CPSF3: variants seen among roughly 807,000 people sequenced by gnomAD.
CPSF3 encodes the protein cleavage and polyadenylation specificity factor subunit 3.
In CPSF3, 57 loss-of-function variants were observed where a neutral mutation model predicts 84.1. The ratio of observed to expected loss-of-function variants is 0.68; its 90% CI spans 0.55 to 0.85. The LOEUF (loss-of-function observed/expected upper bound fraction) is 0.85. Among genes scored for constraint, CPSF3 ranks in the 40% least tolerant of loss-of-function variants. CPSF3 has a pLI of 0.00. For missense variants in CPSF3, 522 were observed against 838.8 expected (o/e 0.62, Z 4.66); for synonymous variants, 275 against 278.1 (o/e 0.99, Z 0.11).
chr2:9,432,871 ACTTT>A (rs533184931), intron 5 of CPSF3, among the ~76,000 whole-genome samples, 183 bp downstream of exon 5: 94 of 152,298 alleles, frequency 6.2e-4, no homozygotes, highest in African/African-American at 1.9e-3. Flanking sequence ...CCATTACAAT[ACTTT>A]CTTTATCAAG....
chr2:9,440,408 C>CT, intron 7 of CPSF3, 83 bp from the exon 8 acceptor site: 1 of 1,090,868 alleles, frequency 9.2e-7, no homozygotes. Context: ...TGTATCATTT[C>CT]TTGTTCTGTG....
intron 2 of CPSF3, among the ~76,000 whole-genome samples, chr2:9,429,157 C>T (rs1680491195): frequency 6.6e-6 from 1 of 152,242 alleles, no homozygotes; most frequent in African/African-American, 2.4e-5. Flanking sequence ...GCACTCTGAA[C>T]ACACTGAGAG....
intron 5 of CPSF3, among the ~76,000 whole-genome samples, chr2:9,433,285 CT>C (rs1203753237): frequency 6.6e-6 from 1 of 152,160 alleles, no homozygotes; most frequent in East Asian, 1.9e-4. Flanking sequence ...GCAGCTTGGC[CT>C]TTTCCTTTTC....
Position 9,467,172 on chromosome 2 carries a change from C to G in CPSF3, c.1787-535C>G, listed in dbSNP as rs543839851. On this transcript the variant is annotated intron_variant, in intron 15 of 17. Transcript: ENST00000238112. ...GCCTGAAACTCCAGATTAAGGGGGG[C>G]CCATTTTCCCAAGCTGTCAGATTTG... is the stretch of plus-strand genomic sequence containing the variant. Among the ~76,000 whole-genome samples, 3 of 152,100 alleles carry G rather than the reference C, an allele frequency of 2.0e-5. No individual in the cohort carries two copies. The South Asian group carries it at 6.2e-4, about 32-fold the overall frequency.
intron 16 of CPSF3, among the ~76,000 whole-genome samples, chr2:9,468,968 C>T (rs972049567): frequency 6.6e-6 from 1 of 152,142 alleles, no homozygotes; most frequent in Non-Finnish European, 1.5e-5. Flanking sequence ...AAATGATAGA[C>T]TTTAAATGAT....
intron 7 of CPSF3, among the ~76,000 whole-genome samples, 154 bp from the exon 8 acceptor site, chr2:9,440,337 C>G (rs17589193): frequency 0.3 from 46,024 of 152,010 alleles, 7,823 homozygotes; most frequent in Middle Eastern, 0.39. Flanking sequence ...TAGTTACAAC[C>G]AGGATAATTT....
rs1165992035 is a variant in CPSF3, at chr2:9,471,427, C to G, written c.1941C>G (p.Asn647Lys). ...VTVDGKTANL[N>K]LETRTVECEE... ...TGGACGGGAAAACTGCCAACCTTAACTTGGAGACACGGGTATGTAGCTGCT... is the reference window on the plus strand; with the variant it reads ...TGGACGGGAAAACTGCCAACCTTAAGTTGGAGACACGGGTATGTAGCTGCT... Residue 647 changes from asparagine to lysine, a missense_variant, in exon 17 of 18, where the codon AAC (asparagine) becomes AAG (lysine). Around this residue, in one of 2 missense-constraint regions of CPSF3, gnomAD observed 193 missense variants for 231.6 expected, o/e 0.83. Coordinates refer to ENST00000238112, the MANE Select transcript of CPSF3 (RefSeq NM_016207.4). 6.3e-7 allele frequency: 1 copy of G among 1,599,632 alleles called. No homozygotes were observed. Among genetic ancestry groups the G allele is most frequent in the Non-Finnish European group, 8.6e-7 (1 of 1,166,884 alleles).
chr2:9,471,679 T>C (rs1476937378), intron 17 of CPSF3, among the ~76,000 whole-genome samples: 1 of 152,036 alleles, frequency 6.6e-6, no homozygotes. Context: ...TCCTCTTCCA[T>C]AATACAGCTT....
intron 2 of CPSF3, among the ~76,000 whole-genome samples, 198 bp from the exon 3 acceptor site, chr2:9,429,725 G>A (rs1680511055): frequency 6.6e-6 from 1 of 152,160 alleles, no homozygotes; most frequent in African/African-American, 2.4e-5. Flanking sequence ...CTAAATGTGA[G>A]CTATATTTTA....
In CPSF3 at chr2:9,441,567, C is replaced by CCT. The variant is rs757880629; in HGVS notation, c.937-248_937-247dup. Among the ~76,000 whole-genome samples, 13 of 152,276 alleles carry CCT rather than the reference C, an allele frequency of 8.5e-5. No individual in the cohort carries two copies. In the East Asian group the frequency reaches 2.5e-3, roughly 29 times the overall value. Reference sequence around the variant, plus strand: ...AGATGGTCCTGATGGTTCTGATGGCCCTCTAGCTACCAACAGAAGGTTTTG... The same window carrying CCT: ...AGATGGTCCTGATGGTTCTGATGGCCCTCTCTAGCTACCAACAGAAGGTTTTG... On this transcript the variant is annotated intron_variant, in intron 8 of 17. Coordinates refer to ENST00000238112, the MANE Select transcript of CPSF3 (RefSeq NM_016207.4).
Position 9,440,707 on chromosome 2 carries a change from A to G in CPSF3, c.936+41A>G, listed in dbSNP as rs369306970. 5.7e-5 allele frequency: 92 copies of G among 1,601,900 alleles called. No individual in the cohort carries two copies. The African/African-American group carries it at 1.1e-3, about 20-fold the overall frequency. On this transcript the variant is annotated intron_variant, in intron 8 of 17. Coordinates refer to ENST00000238112, the MANE Select transcript of CPSF3 (RefSeq NM_016207.4). ...AGAAAGACAAGGATGGATAAAACCA[A>G]ATCAGTCATTAGTAGTAGGAGGTAC... is the stretch of plus-strand genomic sequence containing the variant.
chr2:9,426,950 G>A (rs981152429), intron 1 of CPSF3, among the ~76,000 whole-genome samples: 1 of 151,926 alleles, frequency 6.6e-6, no homozygotes, highest in African/African-American at 2.4e-5. Context: ...AAAAGCCAGA[G>A]TATAGCGAAT....
chr2:9,427,611 C>T (rs1174689388), intron 1 of CPSF3, among the ~76,000 whole-genome samples: 2 of 152,158 alleles, frequency 1.3e-5, no homozygotes, highest in Non-Finnish European at 2.9e-5. Context: ...TCTGTATCAA[C>T]ACCTGTTTGG....
intron 6 of CPSF3, among the ~76,000 whole-genome samples, chr2:9,435,796 G>C (rs1182312012): frequency 6.6e-6 from 1 of 151,784 alleles, no homozygotes; most frequent in Non-Finnish European, 1.5e-5. Context: ...GCAATGGTGC[G>C]ATCTCGGCTC....
intron 2 of CPSF3, among the ~76,000 whole-genome samples, 162 bp downstream of exon 2, chr2:9,428,990 A>G (rs1004146615): frequency 6.6e-6 from 1 of 152,226 alleles, no homozygotes; most frequent in Non-Finnish European, 1.5e-5. Context: ...ACACACTTCT[A>G]CTTAGTAATT....
intron 4 of CPSF3, among the ~76,000 whole-genome samples, chr2:9,431,922 G>T (rs903447055): frequency 8.5e-5 from 13 of 152,154 alleles, no homozygotes; most frequent in African/African-American, 3.1e-4. Context: ...TTTTATAGAT[G>T]ATGAAACTGA....
At chr2:9,449,157 T>A (rs971868234) in intron 11 of CPSF3, among the ~76,000 whole-genome samples, 1 of 151,920 alleles carries the variant, frequency 6.6e-6, no homozygotes, top group African/African-American at 2.4e-5. Context: ...GGTGTGTGGA[T>A]CACTTGAGGT....
rs1414524423 is a variant in CPSF3, at chr2:9,437,110, A to G, written c.760+749A>G. Among the ~76,000 whole-genome samples the G allele has an allele frequency of 2.0e-5, 3 of 150,518 alleles. No homozygotes were observed. In the East Asian group the frequency reaches 5.8e-4, roughly 29 times the overall value. On this transcript the variant is annotated intron_variant, in intron 7 of 17. Transcript: ENST00000238112. ...AACCAAAAAAGTAGAGTTCAAAACT[A>G]TATTTACTCTGGGCTGGACGTGGTG...
At chr2:9,428,885 A>C (rs551762739) in intron 2 of CPSF3, 57 bp downstream of exon 2, 1 of 1,037,552 alleles carries the variant, frequency 9.6e-7, no homozygotes, top group Non-Finnish European at 1.5e-6. Context: ...ATTGGGTGTT[A>C]GTCTTTTCTC....
Sources: gnomAD v4.1 joint callset for allele counts (sites outside exome capture counted in the v4.1 genomes callset) on GRCh38, gnomAD v4.1.1 for gene constraint, gnomAD v4.1.1 regional missense constraint, MANE v1.5 for transcripts, NCBI Gene and HGNC (gene_info 2026-07-23, HGNC 2026-07-21) for gene names.